The following APBB1 variants were observed in gnomAD, a reference collection of about 807,000 sequenced individuals.
The protein encoded by APBB1 is amyloid beta precursor protein binding family B member 1.
Under a neutral mutation model 78.4 loss-of-function variants are expected in APBB1, and 22 were observed. That is an observed-to-expected ratio of 0.28 (90% confidence interval 0.20 to 0.40). The LOEUF is 0.40. APBB1 is among the 10% of genes least tolerant of loss of function. The pLI is 1.00. For missense variants in APBB1, 749 were observed against 932.4 expected, an observed-to-expected ratio of 0.80 and a Z score of 2.56; for synonymous variants, 369 against 372.7, an observed-to-expected ratio of 0.99 and a Z score of 0.12.
chr11:6,412,092 A>G lies in APBB1; in HGVS notation c.-14-731T>C, dbSNP rs1023697852. On this transcript the variant is annotated intron_variant, in intron 1 of 14. Coordinates refer to ENST00000609360, the MANE Select transcript of APBB1 (RefSeq NM_001164.5). ...TCATAATGCCCTGTCCTGGATCACT[A>G]TGGGAGCCTTTCCCCTGGGCCCCTC... 9.2e-5 allele frequency among the ~76,000 whole-genome samples: 14 copies of G among 152,138 alleles called. 1 individual carries two copies. The highest frequency in any genetic ancestry group is 2.9e-5 in the Non-Finnish European group (2 of 68,036).
At chr11:6,414,240 G>A (rs764480237) in intron 1 of APBB1, among the ~76,000 whole-genome samples, 7 of 151,964 alleles carry the variant, frequency 4.6e-5, no homozygotes, top group Non-Finnish European at 5.9e-5. Context: ...CTGCTCCCTC[G>A]GCCTGGAATT....
intron 1 of APBB1, among the ~76,000 whole-genome samples, chr11:6,415,332 A>AATCTG (rs1418081129): frequency 2.0e-5 from 3 of 152,226 alleles, no homozygotes; most frequent in African/African-American, 7.2e-5. Flanking sequence ...GGAGTTGTCT[A>AATCTG]ATCTGACAGC....
chr11:6,397,364 T>A (rs1398154719), intron 12 of APBB1, among the ~76,000 whole-genome samples: 3 of 152,228 alleles, frequency 2.0e-5, no homozygotes. Flanking sequence ...CCCAAAAGCA[T>A]ACAAGTCTTC....
At chr11:6,410,243 A>G (rs1364212474) in intron 2 of APBB1, among the ~76,000 whole-genome samples, 1 of 152,204 alleles carries the variant, frequency 6.6e-6, no homozygotes, top group Non-Finnish European at 1.5e-5. Context: ...GGTCTCGAGA[A>G]AGCTACTAAA....
intron 1 of APBB1, 120 bp downstream of exon 1, chr11:6,418,865 T>G: frequency 5.7e-6 from 2 of 351,208 alleles, no homozygotes; most frequent in Non-Finnish European, 1.0e-5. Context: ...GACCCGGGGA[T>G]GGGGGATGGG....
At chr11:6,396,615 C>T in intron 12 of APBB1, 1 of 208,782 alleles carries the variant, frequency 4.8e-6, no homozygotes, top group Non-Finnish European at 9.4e-6. Flanking sequence ...CTCCCAAGAC[C>T]CAATTATTTT....
At chr11:6,396,631 ATATC>A (rs1848240693) in intron 12 of APBB1, 3 of 205,674 alleles carry the variant, frequency 1.5e-5, no homozygotes, top group East Asian at 1.7e-4. Flanking sequence ...ATTTTTTAAG[ATATC>A]TATCTGAGGA....
intron 2 of APBB1, among the ~76,000 whole-genome samples, chr11:6,406,367 A>C (rs1050434595): frequency 6.6e-6 from 1 of 151,510 alleles, no homozygotes; most frequent in South Asian, 2.1e-4. Context: ...TCCACCCCAC[A>C]TAACTAACAT....
rs2682093 is a variant in APBB1 at position 6,403,626 on chromosome 11, C to T, written c.897+21G>A. The T allele has an allele frequency of 0.14, 224,362 of 1,611,772 alleles. 17,492 individuals are homozygous for T. The highest frequency in any genetic ancestry group is 0.29 in the African/African-American group (21,639 of 74,932). ...ACTCCCTCCACCCCTGGCCCAAAATCAACAGGCCTGTGAGCCTCACCTGGG... is the reference window on the plus strand; with the variant it reads ...ACTCCCTCCACCCCTGGCCCAAAATTAACAGGCCTGTGAGCCTCACCTGGG... On this transcript the variant is annotated intron_variant, in intron 3 of 14. Transcript: ENST00000609360. This position sits in a 1 kb window ranked among gnomAD's most constrained non-coding sequence, Gnocchi z 5.3.
rs759670439 is a variant in APBB1, at chr11:6,403,683, G to A, written c.861C>T (p.Ser287=). The A allele has an allele frequency of 6.2e-7, 1 of 1,608,576 alleles. No individual in the cohort carries two copies. Among genetic ancestry groups the A allele is most frequent in the Non-Finnish European group, 8.5e-7 (1 of 1,176,656 alleles). The change falls in exon 3 of 15, where the codon TCC becomes TCT. Residue 287 remains serine (S), a synonymous_variant. Coordinates refer to ENST00000609360, the MANE Select transcript of APBB1 (RefSeq NM_001164.5). The surrounding 1 kb of genome is among the most constrained non-coding windows in gnomAD (Gnocchi z 5.3). The part of the protein sequence containing the change: ...TTQWEPPGRA[S]PSQGSSPQEE... ...CTTGGGGGCTGCTCCCCTGTGAGGGGGAGGCCCGGCCGGGGGGTTCCCACT... is the reference window on the plus strand; with the variant it reads ...CTTGGGGGCTGCTCCCCTGTGAGGGAGAGGCCCGGCCGGGGGGTTCCCACT...
chr11:6,402,311 C>T, intron 7 of APBB1, 102 bp from the exon 8 acceptor site: 1 of 1,530,268 alleles, frequency 6.5e-7, no homozygotes, highest in East Asian at 2.3e-5. Flanking sequence ...TCTGGGGCCC[C>T]TGCTTTGGTG....
intron 2 of APBB1, chr11:6,405,004 T>C (rs1260547241): frequency 9.1e-6 from 13 of 1,422,760 alleles, no homozygotes; most frequent in African/African-American, 2.9e-5. Context: ...GGGAATCTCC[T>C]TGGGGGGTGG....
intron 1 of APBB1, among the ~76,000 whole-genome samples, chr11:6,418,458 C>T (rs2723666): frequency 0.16 from 24,841 of 152,166 alleles, 2,348 homozygotes; most frequent in South Asian, 0.24. Context: ...ATACACAGGC[C>T]GATACAAAAC....
At chr11:6,410,153 C>T (rs966844370) in intron 2 of APBB1, among the ~76,000 whole-genome samples, 1 of 151,876 alleles carries the variant, frequency 6.6e-6, no homozygotes, top group Non-Finnish European at 1.5e-5. Flanking sequence ...TTGGCGGCAG[C>T]ATAACACGGG....
chr11:6,400,185 G>C (rs1047607903), intron 12 of APBB1, among the ~76,000 whole-genome samples: 1 of 152,132 alleles, frequency 6.6e-6, no homozygotes, highest in South Asian at 2.1e-4. Flanking sequence ...AGCTTCAAAG[G>C]TATTTGTTAA....
intron 7 of APBB1, 77 bp downstream of exon 7, chr11:6,402,499 A>T: frequency 6.8e-7 from 1 of 1,461,864 alleles, no homozygotes; most frequent in South Asian, 1.2e-5. Context: ...GCTTGTGGGC[A>T]GGTCAGACCT....
At position 6,401,971 on chromosome 11, in the gene APBB1, T is replaced by C. The variant is rs770617935; in HGVS notation, c.1388+6A>G. Reference sequence around the variant, plus strand: ...AGGTGTAGGAGGGGGAAAATAGGCATAGTACCTCTCTCTGGGTCCAGCAGC... The same window carrying C: ...AGGTGTAGGAGGGGGAAAATAGGCACAGTACCTCTCTCTGGGTCCAGCAGC... On this transcript the variant is annotated splice_donor_region_variant and intron_variant, in intron 9 of 14. Transcript: ENST00000609360. The surrounding 1 kb of genome is among the most constrained non-coding windows in gnomAD (Gnocchi z 4.5). 24 of 1,563,080 alleles carry C rather than the reference T, an allele frequency of 1.5e-5. No homozygotes were observed. In the Admixed American group the frequency reaches 3.3e-4, roughly 22 times the overall value.
At chr11:6,398,171 T>C (rs1311201582) in intron 12 of APBB1, among the ~76,000 whole-genome samples, 1 of 152,054 alleles carries the variant, frequency 6.6e-6, no homozygotes, top group Admixed American at 6.5e-5. Flanking sequence ...ACTGTGACCT[T>C]GACCTCCAGC....
Position 6,401,590 on chromosome 11 carries a change from T to C in APBB1, c.1487A>G (p.His496Arg), listed in dbSNP as rs1564936219. The part of the protein sequence containing the change: ...APAKNIATSL[H>R]EICSKIMAER... The stretch of plus-strand genomic sequence containing the variant: ...GGGCCGTGCCTTAGAGCAGATCTCA[T>C]GCAGGCTGGTGGCGATGTTCTTGGC... Residue 496 changes from histidine (H) to arginine (R), a missense_variant, in exon 10 of 15, where the codon CAT becomes CGT. This residue lies in a region of APBB1 where 635 missense variants were observed against 765.0 expected (regional missense o/e 0.83). Transcript: ENST00000609360. The surrounding 1 kb of genome is among the most constrained non-coding windows in gnomAD (Gnocchi z 4.5). 1 of 1,614,116 alleles carries C rather than the reference T, an allele frequency of 6.2e-7. No individual in the cohort carries two copies. The highest frequency in any genetic ancestry group is 1.3e-5 in the African/African-American group (1 of 75,012).
Sources: allele counts gnomAD v4.1 joint callset (sites outside exome capture counted in the v4.1 genomes callset), GRCh38; gene constraint gnomAD v4.1.1; regional missense constraint gnomAD v4.1.1; non-coding constraint Gnocchi (gnomAD v3.1); transcripts MANE v1.5; gene names NCBI Gene and HGNC (gene_info 2026-07-23, HGNC 2026-07-21).